Variants in ARHGAP24 observed in about 807,000 individuals in gnomAD.
ARHGAP24 encodes the protein rho GTPase-activating protein 24.
Under a neutral mutation model 76.4 loss-of-function variants are expected in ARHGAP24, and 50 were observed. The ratio of observed to expected loss-of-function variants is 0.65; its 90% CI spans 0.52 to 0.83. ARHGAP24 has a LOEUF of 0.83. Among genes scored for constraint, ARHGAP24 ranks in the 40% least tolerant of loss-of-function variants. The pLI is 0.00. For synonymous variants in ARHGAP24, 345 were observed against 323.3 expected (o/e 1.07, Z -0.72); for missense variants, 930 against 914.2 (o/e 1.02, Z -0.22).
intron 3 of ARHGAP24, among the ~76,000 whole-genome samples, chr4:85,847,720 C>G (rs1341846492): frequency 6.6e-6 from 1 of 152,072 alleles, no homozygotes; most frequent in Non-Finnish European, 1.5e-5. Context: ...CAGGTCAGGT[C>G]AAAGATTAGG....
In ARHGAP24 at chr4:85,880,718, A is replaced by G. The variant is rs184609419; in HGVS notation, c.269-42930A>G. ...TAATTTTTTGTATTTTTTAGTAGAG[A>G]CGGGGTTTCACCGTCTTAGCCAGGA... On this transcript the variant is annotated intron_variant, in intron 3 of 9. Coordinates refer to ENST00000395184, the MANE Select transcript of ARHGAP24 (RefSeq NM_001025616.3). 4.8e-3 allele frequency among the ~76,000 whole-genome samples: 726 copies of G among 152,220 alleles called. 7 individuals carry two copies. The highest frequency in any genetic ancestry group is 0.017 in the African/African-American group (690 of 41,532).
chr4:85,599,586 A>G (rs533523625), intron 2 of ARHGAP24, among the ~76,000 whole-genome samples: 1 of 152,270 alleles, frequency 6.6e-6, no homozygotes, highest in East Asian at 1.9e-4. Context: ...CCACACTTTG[A>G]TGTTGATGTA....
At chr4:85,735,562 T>G (rs1375868774) in intron 3 of ARHGAP24, among the ~76,000 whole-genome samples, 4 of 152,220 alleles carry the variant, frequency 2.6e-5, no homozygotes, top group Admixed American at 2.0e-4. Flanking sequence ...TTTAGGACAC[T>G]AACTTTCTTA....
chr4:85,743,753 A>T (rs1304640844), intron 3 of ARHGAP24, among the ~76,000 whole-genome samples: 2 of 152,166 alleles, frequency 1.3e-5, no homozygotes, highest in Admixed American at 6.5e-5. Context: ...ACTCTATGTT[A>T]TCCTGGCTCC....
intron 5 of ARHGAP24, among the ~76,000 whole-genome samples, chr4:85,943,582 G>A (rs1301123130): frequency 6.6e-6 from 1 of 152,028 alleles, no homozygotes; most frequent in African/African-American, 2.4e-5. Flanking sequence ...CTACAATTAG[G>A]TATTTCTCCT....
intron 3 of ARHGAP24, among the ~76,000 whole-genome samples, chr4:85,917,818 C>T (rs1023715775): frequency 5.9e-5 from 9 of 152,038 alleles, no homozygotes; most frequent in Admixed American, 1.3e-4. Context: ...ATAGCAAAAG[C>T]CTACTTTGGT....
intron 2 of ARHGAP24, among the ~76,000 whole-genome samples, chr4:85,581,419 T>A (rs959080328): frequency 1.3e-5 from 2 of 152,186 alleles, no homozygotes; most frequent in Admixed American, 1.3e-4. Context: ...ATGTAATTCT[T>A]CACTCATGTT....
At chr4:85,975,238 G>A (rs1739254367) in intron 7 of ARHGAP24, among the ~76,000 whole-genome samples, 1 of 152,164 alleles carries the variant, frequency 6.6e-6, no homozygotes, top group African/African-American at 2.4e-5. Context: ...TTCAGAAGTG[G>A]TATTGTTTAG....
At chr4:85,483,547 G>A (rs566210051) in intron 1 of ARHGAP24, among the ~76,000 whole-genome samples, 64 of 152,182 alleles carry the variant, frequency 4.2e-4, no homozygotes, top group Non-Finnish European at 8.1e-4. Context: ...TGGAGGCGGA[G>A]GTTGCAGTGA....
chr4:85,839,398 C>T (rs1248237005), intron 3 of ARHGAP24, among the ~76,000 whole-genome samples: 1 of 152,176 alleles, frequency 6.6e-6, no homozygotes, highest in Non-Finnish European at 1.5e-5. Flanking sequence ...CACAGAACTT[C>T]TTTATCAGTT....
chr4:85,612,933 C>T (rs1453355398), intron 2 of ARHGAP24, among the ~76,000 whole-genome samples: 3 of 151,106 alleles, frequency 2.0e-5, no homozygotes, highest in African/African-American at 7.3e-5. Flanking sequence ...TGAGTAGCTG[C>T]GACCACAGAT....
intron 2 of ARHGAP24, among the ~76,000 whole-genome samples, chr4:85,579,715 C>G (rs1177045772): frequency 1.3e-5 from 2 of 152,076 alleles, no homozygotes; most frequent in Non-Finnish European, 2.9e-5. Flanking sequence ...TTCTCACTTT[C>G]TGAAATTTGG....
chr4:85,933,395 C>G (rs1736459554), intron 4 of ARHGAP24, among the ~76,000 whole-genome samples: 1 of 152,148 alleles, frequency 6.6e-6, no homozygotes, highest in South Asian at 2.1e-4. Flanking sequence ...TTTCCAGAGG[C>G]CTGGTTACAT....
chr4:85,562,100 C>T (rs1419744075), intron 1 of ARHGAP24, among the ~76,000 whole-genome samples: 4 of 151,920 alleles, frequency 2.6e-5, no homozygotes, highest in African/African-American at 7.3e-5. Flanking sequence ...CCATATAGGC[C>T]GTGACAAAGA....
At chr4:85,611,121 A>C (rs1720368858) in intron 2 of ARHGAP24, among the ~76,000 whole-genome samples, 1 of 152,206 alleles carries the variant, frequency 6.6e-6, no homozygotes, top group Non-Finnish European at 1.5e-5. Context: ...TTATACACAT[A>C]ACTATTTCAT....
At chr4:85,633,892 T>G (rs2110014306) in intron 2 of ARHGAP24, among the ~76,000 whole-genome samples, 1 of 151,974 alleles carries the variant, frequency 6.6e-6, no homozygotes, top group South Asian at 2.1e-4. Context: ...ATCATATAAT[T>G]TTATTTTCCC....
intron 1 of ARHGAP24, among the ~76,000 whole-genome samples, chr4:85,512,122 T>C (rs1349635337): frequency 1.3e-5 from 2 of 152,196 alleles, no homozygotes; most frequent in African/African-American, 4.8e-5. Flanking sequence ...CTTCAATGTA[T>C]CTTTTGAGGG....
intron 2 of ARHGAP24, among the ~76,000 whole-genome samples, chr4:85,586,054 A>G (rs1560542388): frequency 1.3e-5 from 2 of 152,166 alleles, no homozygotes; most frequent in South Asian, 4.1e-4. Context: ...CTCTCAGAAA[A>G]TGATTGCAGG....
chr4:85,895,670 C>A (rs1734137116), intron 3 of ARHGAP24, among the ~76,000 whole-genome samples: 1 of 152,100 alleles, frequency 6.6e-6, no homozygotes, highest in Admixed American at 6.6e-5. Context: ...TGACTTTTTT[C>A]TGTACCCTTT....
Sources: allele counts gnomAD v4.1 joint callset (sites outside exome capture counted in the v4.1 genomes callset), GRCh38; gene constraint gnomAD v4.1.1; transcripts MANE v1.5; gene names NCBI Gene and HGNC (gene_info 2026-07-23, HGNC 2026-07-21).